Variants in ANK2 observed in about 807,000 individuals in gnomAD.
The protein encoded by ANK2 is ankyrin 2.
A neutral mutation model predicts 360.5 loss-of-function variants in ANK2; 83 were observed. The ratio of observed to expected loss-of-function variants is 0.23; its 90% confidence interval spans 0.19 to 0.28. The LOEUF (loss-of-function observed/expected upper bound fraction) is 0.28, where lower values mean the gene tolerates loss of function less well. Among genes scored for constraint, ANK2 ranks in the 10% least tolerant of loss-of-function variants. ANK2 has a pLI of 1.00. For missense variants in ANK2, 4,201 were observed against 4,795.7 expected (o/e 0.88, Z 3.66); for synonymous variants, 1,740 against 1,759.5 (o/e 0.99, Z 0.28).
intron 1 of ANK2, among the ~76,000 whole-genome samples, chr4:113,168,232 A>G (rs2097822029): frequency 6.6e-6 from 1 of 152,210 alleles, no homozygotes; most frequent in African/African-American, 2.4e-5. Context: ...AATTTCAAAT[A>G]ATCTCTCACT....
intron 2 of ANK2, among the ~76,000 whole-genome samples, chr4:113,182,992 G>A (rs1234945312): frequency 6.6e-6 from 1 of 152,140 alleles, no homozygotes; most frequent in Non-Finnish European, 1.5e-5. Context: ...ACTGGATGGT[G>A]TCCTTGAGTT....
intron 41 of ANK2, among the ~76,000 whole-genome samples, 195 bp downstream of exon 41, chr4:113,365,377 G>A (rs529323106): frequency 2.6e-5 from 4 of 151,228 alleles, no homozygotes; most frequent in Admixed American, 6.6e-5. Context: ...TCCCACCTCC[G>A]CTTCATGCTC....
the ANK2 span, among the ~76,000 whole-genome samples, chr4:112,786,247 T>TA: frequency 0.042 from 5,312 of 127,154 alleles, 168 homozygotes; most frequent in African/African-American, 0.098. Flanking sequence ...AAAAAAAAAG[T>TA]AAAAAAAAAA....
the ANK2 span, among the ~76,000 whole-genome samples, chr4:112,766,759 A>G: frequency 2.0e-5 from 3 of 152,120 alleles, no homozygotes; most frequent in Non-Finnish European, 4.4e-5. Context: ...CTCTAAACCA[A>G]TCATTGTGCC....
At chr4:113,374,685 G>T (rs2096862486) in intron 45 of ANK2, 1 of 936,380 alleles carries the variant, frequency 1.1e-6, no homozygotes, top group African/African-American at 1.8e-5. Context: ...TTTGTCCTTT[G>T]TTTTTTAACA....
chr4:113,358,433 A>T lies in ANK2; in HGVS notation c.9815A>T (p.Asp3272Val). Residue 3272 changes from aspartate (D) to valine (V), a missense_variant, in exon 38 of 46, where the codon GAT (aspartate) becomes GTT (valine). Asp to Val is a radical substitution (Grantham distance 152, BLOSUM62 -3). This residue lies in a region of ANK2 where 2,642 missense variants were observed against 2,714.5 expected (regional missense o/e 0.97). Transcript: ENST00000357077. The part of the protein sequence containing the change: ...TRSVYSDRGD[D>V]SPDSSPEEQK... ...TCTGTTTATTCAGATAGGGGTGATG[A>T]TTCTCCCGATTCTTCCCCAGAAGAA... The T allele has an allele frequency of 6.2e-7, 1 of 1,614,068 alleles. No individual in the cohort carries two copies. The highest frequency in any genetic ancestry group is 2.2e-5 in the East Asian group (1 of 44,880).
chr4:113,294,456 A>T (rs571081432), intron 22 of ANK2, among the ~76,000 whole-genome samples: 2 of 152,344 alleles, frequency 1.3e-5, no homozygotes, highest in South Asian at 4.1e-4. Flanking sequence ...CAAATAAAGA[A>T]TTCTGAAGGA....
chr4:113,372,766 G>C (rs556544509), intron 43 of ANK2: 1 of 669,674 alleles, frequency 1.5e-6, no homozygotes, highest in African/African-American at 1.8e-5. Context: ...ACTCTCATAA[G>C]TTCTGTTTGC....
chr4:112,881,345 G>A (rs1294021351), intron 1 of ANK2, among the ~76,000 whole-genome samples: 1 of 152,184 alleles, frequency 6.6e-6, no homozygotes, highest in Non-Finnish European at 1.5e-5. Flanking sequence ...GGCAGACTGG[G>A]AGATCGCTTG....
chr4:112,902,695 A>G (rs1237392826), intron 1 of ANK2, among the ~76,000 whole-genome samples: 3 of 152,238 alleles, frequency 2.0e-5, no homozygotes, highest in Admixed American at 6.5e-5. Flanking sequence ...TCAAAGAAGT[A>G]TTATGGTAGC....
At chr4:112,949,704 A>T (rs1363109814) in intron 2 of ANK2, among the ~76,000 whole-genome samples, 1 of 152,248 alleles carries the variant, frequency 6.6e-6, no homozygotes, top group Non-Finnish European at 1.5e-5. Context: ...CAAAACTGCT[A>T]GTAAAACAAG....
chr4:112,830,250 A>G (rs952127413), intron 1 of ANK2, among the ~76,000 whole-genome samples: 9 of 152,242 alleles, frequency 5.9e-5, no homozygotes, highest in African/African-American at 2.2e-4. Flanking sequence ...GAATCAACCT[A>G]AAAGCCCATC....
At chr4:113,153,919 C>T (rs2097182997) in intron 1 of ANK2, among the ~76,000 whole-genome samples, 1 of 152,214 alleles carries the variant, frequency 6.6e-6, no homozygotes, top group Non-Finnish European at 1.5e-5. Context: ...ATGATAACCA[C>T]TGCTTTGTGT....
intron 2 of ANK2, among the ~76,000 whole-genome samples, chr4:112,989,710 G>A (rs1326321749): frequency 1.3e-5 from 2 of 152,192 alleles, no homozygotes; most frequent in Non-Finnish European, 2.9e-5. Context: ...GAGAATGGCA[G>A]GAAGTCAGGG....
chr4:113,022,272 T>A (rs1031504278), intron 2 of ANK2, among the ~76,000 whole-genome samples: 1 of 152,250 alleles, frequency 6.6e-6, no homozygotes, highest in African/African-American at 2.4e-5. Context: ...TTTACCAGAT[T>A]GGAAACTAAG....
the ANK2 span, chr4:112,738,820 A>G: frequency 3.3e-5 from 21 of 629,148 alleles, no homozygotes; most frequent in South Asian, 2.7e-4. Flanking sequence ...AGAAGGTTCA[A>G]GGCCCAGATC....
chr4:112,735,424 A>T, the ANK2 span, among the ~76,000 whole-genome samples: 1 of 152,210 alleles, frequency 6.6e-6, no homozygotes, highest in Non-Finnish European at 1.5e-5. Context: ...TAAGTGTTAA[A>T]TCAGACTGGG....
chr4:112,948,748 T>C (rs1238699278), intron 2 of ANK2, among the ~76,000 whole-genome samples: 2 of 152,208 alleles, frequency 1.3e-5, no homozygotes, highest in East Asian at 1.9e-4. Context: ...TATTGTTATA[T>C]GCAGTTTAAT....
At chr4:112,799,185 G>A in the ANK2 span, among the ~76,000 whole-genome samples, 1 of 152,186 alleles carries the variant, frequency 6.6e-6, no homozygotes, top group East Asian at 1.9e-4. Flanking sequence ...TCCATTGTAT[G>A]TATGTACCAT....
Sources: allele counts gnomAD v4.1 joint callset (sites outside exome capture counted in the v4.1 genomes callset), GRCh38; gene constraint gnomAD v4.1.1; regional missense constraint gnomAD v4.1.1; transcripts MANE v1.5; gene names NCBI Gene and HGNC (gene_info 2026-07-23, HGNC 2026-07-21).